The following COLQ variants were observed in gnomAD, a reference collection of about 807,000 sequenced individuals.
COLQ encodes the protein collagen like tail subunit of asymmetric acetylcholinesterase.
Under a neutral mutation model 69.0 loss-of-function variants are expected in COLQ, and 48 were observed. The observed-to-expected ratio is 0.70, with a 90% CI of 0.55 to 0.88. COLQ has a LOEUF of 0.88. COLQ is among the 40% of genes least tolerant of loss of function. The probability of loss-of-function intolerance (pLI) is 0.00; values close to 1 mark genes in which losing one functional copy is unlikely to be tolerated. For synonymous variants in COLQ, 217 were observed against 211.2 expected, an observed-to-expected ratio of 1.03 and a Z score of -0.24; for missense variants, 618 against 594.6, an observed-to-expected ratio of 1.04 and a Z score of -0.41.
At chr3:15,487,026 C>G (rs879730100) in intron 3 of COLQ, among the ~76,000 whole-genome samples, 1 of 152,174 alleles carries the variant, frequency 6.6e-6, no homozygotes, top group African/African-American at 2.4e-5. Context: ...GTTTGCCAAC[C>G]CCTGCCATTG....
intron 13 of COLQ, among the ~76,000 whole-genome samples, chr3:15,457,761 C>T (rs2062046177): frequency 1.3e-5 from 2 of 151,840 alleles, no homozygotes; most frequent in South Asian, 4.2e-4. Context: ...AACAGGCGTG[C>T]ACCACCGCGC....
At chr3:15,517,357 A>G (rs1277345598) in intron 1 of COLQ, among the ~76,000 whole-genome samples, 1 of 152,186 alleles carries the variant, frequency 6.6e-6, no homozygotes, top group Non-Finnish European at 1.5e-5. Flanking sequence ...AACCTTTCTG[A>G]GCTGCCATTT....
At chr3:15,457,490 G>T (rs900488737) in intron 13 of COLQ, among the ~76,000 whole-genome samples, 2 of 152,026 alleles carry the variant, frequency 1.3e-5, no homozygotes, top group African/African-American at 2.4e-5. Flanking sequence ...TTGGGTGAAG[G>T]GTACACAGGG....
chr3:15,464,486 T>C (rs1334468880), intron 12 of COLQ, among the ~76,000 whole-genome samples: 1 of 152,208 alleles, frequency 6.6e-6, no homozygotes, highest in African/African-American at 2.4e-5. Flanking sequence ...TTTGTGGTTG[T>C]TGGAGGAGTA....
intron 4 of COLQ, 38 bp downstream of exon 4, chr3:15,479,300 C>T (rs528245451): frequency 1.9e-6 from 3 of 1,606,876 alleles, no homozygotes; most frequent in African/African-American, 2.7e-5. Context: ...GCTGGAATTG[C>T]CAAGGAAAGA....
chr3:15,494,567 G>A (rs572458744), intron 1 of COLQ, among the ~76,000 whole-genome samples: 1 of 152,216 alleles, frequency 6.6e-6, no homozygotes, highest in South Asian at 2.1e-4. Flanking sequence ...TCTGTAGTTG[G>A]AAAGGCTTGC....
chr3:15,475,972 A>G (rs2062372649), intron 6 of COLQ, among the ~76,000 whole-genome samples: 1 of 152,242 alleles, frequency 6.6e-6, no homozygotes, highest in Admixed American at 6.5e-5. Flanking sequence ...CAATAGAAAT[A>G]TAAGGTGAGC....
Position 15,474,411 on chromosome 3 carries a change from C to G in COLQ, c.556-139G>C, listed in dbSNP as rs28632773. ...TAGGCTCAGATATGTCAGGTGACTT[C>G]TCCAGGGAAGGAATGCTTTGTGATC... On this transcript the variant is annotated intron_variant, in intron 8 of 16. Coordinates refer to ENST00000383788, the MANE Select transcript of COLQ (RefSeq NM_005677.4). 0.44 allele frequency: 374,791 copies of G among 858,510 alleles called. 84,532 individuals are homozygous for G. Among genetic ancestry groups the G allele is most frequent in the African/African-American group, 0.57 (34,263 of 59,884 alleles). The allele number at this position is 858,510 out of a possible 1,614,324, so 53.2% of individuals were successfully genotyped here. A position where few individuals can be genotyped will look rare whatever the true frequency, so the allele number is the denominator to read the frequency against.
At chr3:15,488,343 CG>C in intron 2 of COLQ, 36 bp from the exon 3 acceptor site, 3 of 1,572,668 alleles carry the variant, frequency 1.9e-6, no homozygotes, top group Non-Finnish European at 1.7e-6. Context: ...AGAGGTCAGG[CG>C]TAGGGGACAG....
At position 15,502,024 on chromosome 3, in the gene COLQ, A is replaced by G. The variant is rs967372669; in HGVS notation, c.107-12387T>C. ...TTCTTTAATCTCACCTCTAGATCCAATGGTTTTGTTTACTCAGGAGAGTCT... is the reference window on the plus strand; with the variant it reads ...TTCTTTAATCTCACCTCTAGATCCAGTGGTTTTGTTTACTCAGGAGAGTCT... On this transcript the variant is annotated intron_variant, in intron 1 of 16. Coordinates refer to ENST00000383788, the MANE Select transcript of COLQ (RefSeq NM_005677.4). Among the ~76,000 whole-genome samples the G allele has an allele frequency of 1.1e-4, 17 of 151,968 alleles. 1 individual carries two copies. Among genetic ancestry groups the G allele is most frequent in the African/African-American group, 4.1e-4 (17 of 41,454 alleles).
intron 12 of COLQ, among the ~76,000 whole-genome samples, chr3:15,462,189 C>T (rs1450176797): frequency 7.9e-5 from 12 of 151,940 alleles, no homozygotes; most frequent in African/African-American, 1.9e-4. Flanking sequence ...CTACCATGCC[C>T]GGCTAATTTT....
intron 1 of COLQ, among the ~76,000 whole-genome samples, chr3:15,520,747 G>T (rs2063125302): frequency 6.6e-6 from 1 of 152,140 alleles, no homozygotes; most frequent in South Asian, 2.1e-4. Flanking sequence ...CAAGACAAGG[G>T]CAACAGGCTG....
chr3:15,455,776 G>A, intron 15 of COLQ, 123 bp downstream of exon 15: 2 of 1,334,672 alleles, frequency 1.5e-6, no homozygotes, highest in South Asian at 2.5e-5. Flanking sequence ...AAGGTGGCCT[G>A]GGTATACCCT....
chr3:15,494,824 A>G (rs2062722540), intron 1 of COLQ, among the ~76,000 whole-genome samples: 1 of 152,172 alleles, frequency 6.6e-6, no homozygotes, highest in Non-Finnish European at 1.5e-5. Context: ...AGGGTCTAGC[A>G]CTGTATCTGG....
At chr3:15,458,456 A>G in intron 12 of COLQ, 131 bp from the exon 13 acceptor site, 2 of 972,406 alleles carry the variant, frequency 2.1e-6, no homozygotes, top group Non-Finnish European at 3.3e-6. Context: ...CCTGAGGGAG[A>G]GGTTCAAAGA....
chr3:15,454,496 T>C (rs188082922), intron 15 of COLQ, among the ~76,000 whole-genome samples: 1 of 152,158 alleles, frequency 6.6e-6, no homozygotes, highest in Admixed American at 6.5e-5. Context: ...GAGCTCCTAT[T>C]TGACACTGTG....
chr3:15,495,147 A>G (rs904546773), intron 1 of COLQ, among the ~76,000 whole-genome samples: 1 of 152,216 alleles, frequency 6.6e-6, no homozygotes, highest in Non-Finnish European at 1.5e-5. Context: ...TTCAAGTCCC[A>G]TAACAACAAC....
At chr3:15,484,910 T>C (rs1420480737) in intron 3 of COLQ, among the ~76,000 whole-genome samples, 1 of 152,246 alleles carries the variant, frequency 6.6e-6, no homozygotes, top group Non-Finnish European at 1.5e-5. Context: ...ATCAAAGTCA[T>C]TCTCTGTCCA....
At chr3:15,474,789 A>C (rs781653354) in intron 8 of COLQ, 136 bp downstream of exon 8, 12 of 1,058,480 alleles carry the variant, frequency 1.1e-5, no homozygotes, top group Non-Finnish European at 1.6e-5. Flanking sequence ...CCACTGACAA[A>C]GGGTGGGGAA....
Sources: gnomAD v4.1 joint callset for allele counts (sites outside exome capture counted in the v4.1 genomes callset) on GRCh38, gnomAD v4.1.1 for gene constraint, MANE v1.5 for transcripts, NCBI Gene and HGNC (gene_info 2026-07-23, HGNC 2026-07-21) for gene names.